Variants in METTL15 observed in about 807,000 individuals in gnomAD.
METTL15 encodes the protein methyltransferase 15, mitochondrial 12S rRNA N4-cytidine.
A neutral mutation model predicts 38.3 loss-of-function variants in METTL15; 34 were observed. The ratio of observed to expected loss-of-function variants is 0.89; its 90% confidence interval spans 0.68 to 1.18. The LOEUF (loss-of-function observed/expected upper bound fraction) is 1.18. METTL15 is among the 50% of genes most tolerant of loss of function. The probability of loss-of-function intolerance (pLI) is 0.00; values close to 1 mark genes in which losing one functional copy is unlikely to be tolerated. For synonymous variants in METTL15, 162 were observed against 170.9 expected (o/e 0.95, Z 0.41); for missense variants, 438 against 498.4 (o/e 0.88, Z 1.15).
intron 3 of METTL15, among the ~76,000 whole-genome samples, chr11:28,136,170 T>A (rs1293374354): frequency 4.6e-5 from 7 of 152,202 alleles, no homozygotes; most frequent in Non-Finnish European, 8.8e-5. Flanking sequence ...GAAATTTGTT[T>A]ATTTCTGTAG....
chr11:28,426,412 T>C (rs1024190095), intron 6 of METTL15, among the ~76,000 whole-genome samples: 3 of 152,138 alleles, frequency 2.0e-5, no homozygotes, highest in African/African-American at 7.2e-5. Flanking sequence ...TATAATAGAA[T>C]GATTTATATT....
intron 3 of METTL15, among the ~76,000 whole-genome samples, chr11:28,164,744 G>C (rs916768900): frequency 6.6e-6 from 1 of 151,882 alleles, no homozygotes; most frequent in Non-Finnish European, 1.5e-5. Flanking sequence ...TGTGTACAAC[G>C]TGCAGGTTTG....
At chr11:28,325,536 C>G (rs1414905666) in intron 6 of METTL15, among the ~76,000 whole-genome samples, 1 of 152,172 alleles carries the variant, frequency 6.6e-6, no homozygotes, top group Non-Finnish European at 1.5e-5. Context: ...GATTTTTATC[C>G]ATTCATTCAT....
chr11:28,286,460 G>T (rs1467059421), intron 4 of METTL15, among the ~76,000 whole-genome samples: 6 of 152,104 alleles, frequency 3.9e-5, no homozygotes, highest in Non-Finnish European at 8.8e-5. Context: ...TTTTAGAATT[G>T]ACAGATTGGA....
At chr11:28,237,288 G>A (rs541262357) in intron 4 of METTL15, among the ~76,000 whole-genome samples, 1 of 152,086 alleles carries the variant, frequency 6.6e-6, no homozygotes, top group Non-Finnish European at 1.5e-5. Context: ...TTTCTTGGAG[G>A]CTTTGTTTGT....
At chr11:28,464,102 A>C (rs1851237610) in intron 6 of METTL15, among the ~76,000 whole-genome samples, 2 of 152,132 alleles carry the variant, frequency 1.3e-5, no homozygotes, top group Admixed American at 6.5e-5. Flanking sequence ...CCTTAGAAGA[A>C]AGGAAAGAAT....
rs144257909 is a variant in METTL15 at position 28,198,433 on chromosome 11, GATTTATTTTGTGA to G, written c.271-12626_271-12614del. 2.6e-4 allele frequency among the ~76,000 whole-genome samples: 40 copies of G among 152,168 alleles called. No homozygotes were observed. The East Asian group carries it at 7.7e-3, about 29-fold the overall frequency. On this transcript the variant is annotated intron_variant, in intron 3 of 6. Coordinates refer to ENST00000407364, the MANE Select transcript of METTL15 (RefSeq NM_001113528.2). ...AAATTTTACTTTTATGACAAGTAAA[GATTTATTTTGTGA>G]ATAGGAAAGGATTTAAGCTACAAGA...
intron 5 of METTL15, among the ~76,000 whole-genome samples, chr11:28,291,588 A>G (rs1446514882): frequency 3.3e-5 from 5 of 151,910 alleles, no homozygotes; most frequent in Non-Finnish European, 5.9e-5. Context: ...AGTTGTTGGG[A>G]CTCTGTTGTT....
intron 5 of METTL15, among the ~76,000 whole-genome samples, chr11:28,393,775 C>A (rs1273590146): frequency 6.6e-6 from 1 of 152,078 alleles, no homozygotes; most frequent in Non-Finnish European, 1.5e-5. Context: ...TGCCCTGGTT[C>A]ACTGTAGGAA....
At chr11:28,392,005 A>G (rs1425607136) in intron 5 of METTL15, among the ~76,000 whole-genome samples, 3 of 152,218 alleles carry the variant, frequency 2.0e-5, no homozygotes, top group African/African-American at 7.2e-5. Context: ...AGCAAAAGAA[A>G]CTACCATCAG....
At chr11:28,477,695 T>G (rs1590388368) in intron 6 of METTL15, 1 of 152,352 alleles carries the variant, frequency 6.6e-6, no homozygotes, top group South Asian at 2.1e-4. Flanking sequence ...TTTTATATTA[T>G]AAGAATGCTC....
intron 3 of METTL15, among the ~76,000 whole-genome samples, chr11:28,172,896 C>CT (rs1325324683): frequency 1.3e-5 from 2 of 151,980 alleles, no homozygotes; most frequent in Admixed American, 6.6e-5. Flanking sequence ...TTGTTGGCTA[C>CT]TTTTTTTTGT....
intron 3 of METTL15, among the ~76,000 whole-genome samples, chr11:28,141,601 A>T (rs923090438): frequency 6.6e-6 from 1 of 152,078 alleles, no homozygotes; most frequent in Non-Finnish European, 1.5e-5. Context: ...AGTTGGGAGG[A>T]TCGCTTGATC....
At chr11:28,293,121 G>A (rs1305659288) in intron 5 of METTL15, among the ~76,000 whole-genome samples, 3 of 152,152 alleles carry the variant, frequency 2.0e-5, no homozygotes, top group Admixed American at 2.0e-4. Flanking sequence ...TAGACATGAA[G>A]TCCTTACCCA....
chr11:28,277,295 T>A (rs1001104874), intron 4 of METTL15, among the ~76,000 whole-genome samples: 10 of 152,194 alleles, frequency 6.6e-5, no homozygotes, highest in African/African-American at 2.4e-4. Flanking sequence ...TTTATCACAG[T>A]GCTATTCACA....
intron 3 of METTL15, among the ~76,000 whole-genome samples, chr11:28,188,299 A>C (rs1851579026): frequency 1.3e-5 from 2 of 151,440 alleles, no homozygotes; most frequent in Admixed American, 6.6e-5. Flanking sequence ...ACTCTGACAA[A>C]GTCTTAAACC....
At chr11:28,436,164 T>C (rs1850980489) in intron 6 of METTL15, among the ~76,000 whole-genome samples, 1 of 152,236 alleles carries the variant, frequency 6.6e-6, no homozygotes. Flanking sequence ...GTCTTAACAG[T>C]GGTTTCACCG....
In METTL15 at chr11:28,439,531, G is replaced by C. The variant is rs185997679; in HGVS notation, c.*424+15167G>C. Among the ~76,000 whole-genome samples the C allele has an allele frequency of 5.7e-3, 861 of 152,230 alleles. 3 individuals carry two copies. Among genetic ancestry groups the C allele is most frequent in the Non-Finnish European group, 9.7e-3 (662 of 68,018 alleles). ...TTGTCTCATTGTGTACCTAAACTTG[G>C]ACTTGATGGTGCAGTTTCACTTAGA... On this transcript the variant is annotated intron_variant and NMD_transcript_variant, in intron 6 of 7. Coordinates refer to the METTL15 transcript ENST00000532947.
chr11:28,315,691 G>A (rs1375618352), intron 6 of METTL15, among the ~76,000 whole-genome samples: 1 of 152,338 alleles, frequency 6.6e-6, no homozygotes, highest in East Asian at 1.9e-4. Context: ...TAGAAGCCTA[G>A]GAGGAAAAGA....
Sources: gnomAD v4.1 joint callset for allele counts (sites outside exome capture counted in the v4.1 genomes callset) on GRCh38, gnomAD v4.1.1 for gene constraint, MANE v1.5 for transcripts, NCBI Gene and HGNC (gene_info 2026-07-23, HGNC 2026-07-21) for gene names.